The following CACNG2 variants were observed in gnomAD, a reference collection of about 807,000 sequenced individuals.
CACNG2 encodes the protein calcium voltage-gated channel auxiliary subunit gamma 2.
A neutral mutation model predicts 25.9 loss-of-function variants in CACNG2; 3 were observed. That is an observed-to-expected ratio of 0.12 (90% CI 0.05 to 0.30). CACNG2 has a LOEUF of 0.30. Ranked by LOEUF, CACNG2 falls within the 10% of genes least tolerant of loss-of-function variation. The probability of loss-of-function intolerance (pLI) is 1.00; values close to 1 mark genes in which losing one functional copy is unlikely to be tolerated. For synonymous variants in CACNG2, 167 were observed against 173.3 expected, an observed-to-expected ratio of 0.96 and a Z score of 0.29; for missense variants, 341 against 432.5, an observed-to-expected ratio of 0.79 and a Z score of 1.88.
intron 1 of CACNG2, among the ~76,000 whole-genome samples, chr22:36,700,610 T>C (rs1937399528): frequency 6.6e-6 from 1 of 152,228 alleles, no homozygotes; most frequent in African/African-American, 2.4e-5. Context: ...GGAATAAAAG[T>C]CTGTCATAAA....
At chr22:36,625,586 T>C (rs1489966793) in intron 1 of CACNG2, among the ~76,000 whole-genome samples, 1 of 152,188 alleles carries the variant, frequency 6.6e-6, no homozygotes, top group African/African-American at 2.4e-5. Flanking sequence ...AACTGTAATG[T>C]ATCACATCCA....
chr22:36,666,538 T>G (rs565501556), intron 1 of CACNG2, among the ~76,000 whole-genome samples: 1 of 151,588 alleles, frequency 6.6e-6, no homozygotes, highest in Non-Finnish European at 1.5e-5. Flanking sequence ...GAATGAGGAG[T>G]CATTGTTTGC....
chr22:36,566,225 C>G (rs1440446771), intron 3 of CACNG2, 128 bp downstream of exon 3: 1 of 963,602 alleles, frequency 1.0e-6, no homozygotes, highest in Admixed American at 1.8e-5. Context: ...CCCTGCAACA[C>G]GACCTAGTGC....
intron 1 of CACNG2, among the ~76,000 whole-genome samples, chr22:36,588,230 A>C (rs575677570): frequency 6.9e-4 from 105 of 152,302 alleles, no homozygotes; most frequent in African/African-American, 2.4e-3. Context: ...AGGCTCAGAA[A>C]GGCTGAACTA....
At chr22:36,673,170 G>A (rs1936975289) in intron 1 of CACNG2, among the ~76,000 whole-genome samples, 1 of 152,202 alleles carries the variant, frequency 6.6e-6, no homozygotes, top group Non-Finnish European at 1.5e-5. Context: ...AGGCTGCAGT[G>A]AGCCAGGATT....
chr22:36,597,685 G>A (rs182760549), intron 1 of CACNG2, among the ~76,000 whole-genome samples: 268 of 152,218 alleles, frequency 1.8e-3, no homozygotes, highest in Middle Eastern at 6.8e-3. Flanking sequence ...CCTCTCCTAC[G>A]CTCCTATGCA....
At chr22:36,685,750 G>T (rs977469844) in intron 1 of CACNG2, among the ~76,000 whole-genome samples, 1 of 152,278 alleles carries the variant, frequency 6.6e-6, no homozygotes, top group Non-Finnish European at 1.5e-5. Flanking sequence ...TACCCTAGGA[G>T]CGGCTGATTC....
intron 1 of CACNG2, among the ~76,000 whole-genome samples, chr22:36,645,496 C>A (rs1342085623): frequency 6.8e-6 from 1 of 146,150 alleles, no homozygotes; most frequent in Non-Finnish European, 1.5e-5. Flanking sequence ...GAGATCGCGC[C>A]ACTGCACTCC....
Position 36,574,436 on chromosome 22 carries a change from A to G in CACNG2, c.296-7943T>C, listed in dbSNP as rs1379380783. Among the ~76,000 whole-genome samples, 4 of 152,276 alleles carry G rather than the reference A, an allele frequency of 2.6e-5. No homozygotes were observed. The East Asian group carries it at 7.7e-4, about 29-fold the overall frequency. ...GTTTCAGACTTGCCAGCTGGGTGGA[A>G]AAAACCACTTAGGGGGACTGGGAGA... On this transcript the variant is annotated intron_variant, in intron 2 of 3. Coordinates refer to ENST00000300105, the MANE Select transcript of CACNG2 (RefSeq NM_006078.5).
intron 1 of CACNG2, among the ~76,000 whole-genome samples, chr22:36,672,183 G>A (rs1936961041): frequency 6.6e-6 from 1 of 151,636 alleles, no homozygotes; most frequent in Non-Finnish European, 1.5e-5. Context: ...TTTTGAGACA[G>A]GGTTTCTCTG....
chr22:36,587,240 C>T (rs958067384), intron 2 of CACNG2, among the ~76,000 whole-genome samples: 3 of 152,014 alleles, frequency 2.0e-5, no homozygotes, highest in African/African-American at 7.3e-5. Context: ...ACCTGGAGGT[C>T]GACTGAGTAG....
At chr22:36,565,006 C>T (rs1603500175) in intron 3 of CACNG2, 120 bp from the exon 4 acceptor site, 1 of 855,234 alleles carries the variant, frequency 1.2e-6, no homozygotes, top group Non-Finnish European at 1.9e-6. Context: ...CCCGGTCCCG[C>T]GCCTTCATGA....
At chr22:36,643,982 T>G (rs961447119) in intron 1 of CACNG2, among the ~76,000 whole-genome samples, 4 of 152,070 alleles carry the variant, frequency 2.6e-5, no homozygotes, top group African/African-American at 9.7e-5. Context: ...CAGAGCTCTG[T>G]TCTAACCATG....
At chr22:36,671,472 T>G (rs1024956022) in intron 1 of CACNG2, among the ~76,000 whole-genome samples, 8 of 152,290 alleles carry the variant, frequency 5.3e-5, no homozygotes, top group African/African-American at 1.9e-4. Flanking sequence ...ATGTGCTTGA[T>G]GAGGGCTGTG....
intron 1 of CACNG2, among the ~76,000 whole-genome samples, chr22:36,626,135 G>A (rs562490745): frequency 4.3e-4 from 65 of 152,296 alleles, no homozygotes; most frequent in South Asian, 2.9e-3. Flanking sequence ...GGCCAGGCTG[G>A]TCTCGAACTC....
At chr22:36,584,226 C>T (rs907123273) in intron 2 of CACNG2, among the ~76,000 whole-genome samples, 3 of 152,226 alleles carry the variant, frequency 2.0e-5, no homozygotes, top group East Asian at 1.9e-4. Context: ...CTGAGGCAGG[C>T]GGATCACCTG....
chr22:36,590,124 T>C (rs1455041994), intron 1 of CACNG2, among the ~76,000 whole-genome samples: 2 of 152,112 alleles, frequency 1.3e-5, no homozygotes, highest in African/African-American at 4.8e-5. Flanking sequence ...CCCGCTCCTG[T>C]TCCCCGCAGG....
chr22:36,651,435 G>A (rs1195088041), intron 1 of CACNG2, among the ~76,000 whole-genome samples: 1 of 151,778 alleles, frequency 6.6e-6, no homozygotes, highest in African/African-American at 2.4e-5. Flanking sequence ...TACCATGTTG[G>A]CCTGGCTGGT....
At chr22:36,685,736 C>T (rs1393393035) in intron 1 of CACNG2, among the ~76,000 whole-genome samples, 1 of 152,248 alleles carries the variant, frequency 6.6e-6, no homozygotes, top group Admixed American at 6.5e-5. Context: ...CGGGGAGAGC[C>T]GCCTACCCTA....
Sources: gnomAD v4.1 joint callset for allele counts (sites outside exome capture counted in the v4.1 genomes callset) on GRCh38, gnomAD v4.1.1 for gene constraint, MANE v1.5 for transcripts, NCBI Gene and HGNC (gene_info 2026-07-23, HGNC 2026-07-21) for gene names.